Variants in DNM2 observed in about 807,000 individuals in gnomAD.
The protein encoded by DNM2 is dynamin-2.
Under a neutral mutation model 99.0 loss-of-function variants are expected in DNM2, and 15 were observed. The observed-to-expected ratio is 0.15, with a 90% confidence interval of 0.10 to 0.23. DNM2 has a LOEUF of 0.23. DNM2 is among the 10% of genes least tolerant of loss of function. The pLI is 1.00. For missense variants in DNM2, 742 were observed against 1,189.4 expected (o/e 0.62, Z 5.53); for synonymous variants, 525 against 481.2 (o/e 1.09, Z -1.19).
chr19:10,769,440 G>T (rs1034640835), intron 2 of DNM2: 2 of 152,446 alleles, frequency 1.3e-5, no homozygotes, highest in African/African-American at 4.8e-5. Flanking sequence ...CCTGGGAGTA[G>T]GAGGAGGTAG....
In DNM2 at chr19:10,782,735, A is replaced by T. The variant is rs574819163; in HGVS notation, c.689-225A>T. Among the ~76,000 whole-genome samples, 9 of 152,300 alleles carry T rather than the reference A, an allele frequency of 5.9e-5. No homozygotes were observed. The South Asian group carries it at 1.7e-3, about 28-fold the overall frequency. ...CCAAAGCTTTTTTCTGTCCCTGCGCACACAGGCTGGATGTGAGCTCTCCTT... is the reference window on the plus strand; with the variant it reads ...CCAAAGCTTTTTTCTGTCCCTGCGCTCACAGGCTGGATGTGAGCTCTCCTT... On this transcript the variant is annotated intron_variant, in intron 5 of 20. Coordinates refer to ENST00000389253, the MANE Select transcript of DNM2 (RefSeq NM_001005361.3).
At position 10,777,164 on chromosome 19, in the gene DNM2, G is replaced by C. The variant is rs542515194; in HGVS notation, c.636G>C (p.Glu212Asp). ...TCACCAAGCTTGACCTGATGGACGAGGGCACCGACGCCAGGGACGTCTTGG... is the reference window on the plus strand; with the variant it reads ...TCACCAAGCTTGACCTGATGGACGACGGCACCGACGCCAGGGACGTCTTGG... ...GVITKLDLMD[E>D]GTDARDVLEN... Residue 212 changes from glutamate (E) to aspartate (D), a missense_variant, in exon 5 of 21, where the codon GAG (glutamate) becomes GAC (aspartate). Around this residue, in one of 7 missense-constraint regions of DNM2, gnomAD observed 192 missense variants for 358.9 expected, o/e 0.54. Transcript: ENST00000389253. 6.2e-7 allele frequency: 1 copy of C among 1,614,222 alleles called. No individual in the cohort carries two copies. The highest frequency in any genetic ancestry group is 1.7e-5 in the Admixed American group (1 of 60,012).
Position 10,795,269 on chromosome 19 carries a change from T to C in DNM2, c.1129-103T>C. On this transcript the variant is annotated intron_variant, in intron 8 of 20. Transcript: ENST00000389253. This position sits in a 1 kb window ranked among gnomAD's most constrained non-coding sequence, Gnocchi z 4.2. ...TTTTGACGAGTTAAATATTCTGCCT[T>C]GTGAATATAGCCACACGTGGGAGAG... 3 of 1,080,470 alleles carry C rather than the reference T, an allele frequency of 2.8e-6. No individual in the cohort carries two copies. The highest frequency in any genetic ancestry group is 4.7e-5 in the East Asian group (2 of 42,256). The allele number at this position is 1,080,470 out of a possible 1,614,324, so 66.9% of individuals were successfully genotyped here.
chr19:10,757,582 G>A (rs1267013370), intron 1 of DNM2, among the ~76,000 whole-genome samples: 1 of 152,162 alleles, frequency 6.6e-6, no homozygotes, highest in Non-Finnish European at 1.5e-5. Context: ...CAGCTGTACA[G>A]TACCAATTGC....
At chr19:10,783,921 A>G (rs2071468254) in intron 6 of DNM2, among the ~76,000 whole-genome samples, 1 of 151,994 alleles carries the variant, frequency 6.6e-6, no homozygotes, top group African/African-American at 2.4e-5. Flanking sequence ...GGCTGGTCTC[A>G]AATTCTGAGC....
intron 2 of DNM2, among the ~76,000 whole-genome samples, chr19:10,762,450 A>G (rs1405180899): frequency 6.6e-6 from 1 of 152,084 alleles, no homozygotes; most frequent in African/African-American, 2.4e-5. Context: ...CAGGTTCCCA[A>G]CCCAGCTCCT....
intron 10 of DNM2, 87 bp downstream of exon 10, chr19:10,797,605 C>T (rs1224861604): frequency 2.5e-6 from 4 of 1,602,208 alleles, no homozygotes; most frequent in Non-Finnish European, 2.6e-6. Flanking sequence ...GAAAATTCAG[C>T]CTCGGCAGGA....
At chr19:10,767,007 C>T (rs979548368) in intron 2 of DNM2, among the ~76,000 whole-genome samples, 4 of 152,020 alleles carry the variant, frequency 2.6e-5, no homozygotes, top group Admixed American at 6.6e-5. Context: ...TGCAGTTTGC[C>T]GAGGAATTAC....
intron 2 of DNM2, among the ~76,000 whole-genome samples, chr19:10,761,543 A>C (rs1339993460): frequency 6.6e-6 from 1 of 152,122 alleles, no homozygotes; most frequent in African/African-American, 2.4e-5. Context: ...CTAATCTGCA[A>C]CATCAGCTCT....
intron 1 of DNM2, among the ~76,000 whole-genome samples, chr19:10,724,083 C>CAA (rs1203230743): frequency 1.7e-5 from 1 of 58,778 alleles, no homozygotes; most frequent in Non-Finnish European, 3.7e-5. Context: ...GACCTCGTCT[C>CAA]AAAAAAAAAA....
intron 12 of DNM2, 81 bp from the exon 13 acceptor site, chr19:10,805,835 G>C (rs757416092): frequency 2.5e-6 from 4 of 1,588,166 alleles, no homozygotes; most frequent in Non-Finnish European, 3.5e-6. Flanking sequence ...TCCCCAGGGA[G>C]AGAACGGCCA....
rs532561451 is a variant in DNM2, at chr19:10,811,634, G to T, written c.1558-630G>T. The T allele has an allele frequency of 2.1e-4, 101 of 479,762 alleles. No individual in the cohort carries two copies. The highest frequency in any genetic ancestry group is 1.4e-3 in the South Asian group (96 of 66,780). The allele number at this position is 479,762 out of a possible 1,614,324, so 29.7% of individuals were successfully genotyped here. On this transcript the variant is annotated intron_variant, in intron 14 of 20. Transcript: ENST00000389253. This position sits in a 1 kb window ranked among gnomAD's most constrained non-coding sequence, Gnocchi z 5.4. ...CCTCCAGCGGCCAGGGAGCATGGGA[G>T]CACAGCCCCCAGGCTGCCTGCCGTT...
At chr19:10,754,781 A>AG (rs1156451494) in intron 1 of DNM2, among the ~76,000 whole-genome samples, 1 of 123,060 alleles carries the variant, frequency 8.1e-6, no homozygotes, top group South Asian at 2.6e-4. Flanking sequence ...TTGTAGAGAC[A>AG]GGGGCTCGTT....
intron 1 of DNM2, among the ~76,000 whole-genome samples, chr19:10,734,477 A>G (rs1599439674): frequency 1.7e-5 from 2 of 116,352 alleles, no homozygotes; most frequent in African/African-American, 7.3e-5. Context: ...TCGTGTGTAG[A>G]AAAAAAAAAA....
chr19:10,786,076 A>C (rs766858796), intron 6 of DNM2, among the ~76,000 whole-genome samples: 1 of 152,210 alleles, frequency 6.6e-6, no homozygotes, highest in Non-Finnish European at 1.5e-5. Flanking sequence ...CTGGGATTGC[A>C]GGTGTGTACC....
chr19:10,719,577 C>T (rs1377525281), intron 1 of DNM2, among the ~76,000 whole-genome samples: 1 of 152,142 alleles, frequency 6.6e-6, no homozygotes, highest in African/African-American at 2.4e-5. Context: ...GCCCGTGCAG[C>T]CACCTCTCCC....
chr19:10,781,981 C>T (rs1031287194), intron 5 of DNM2, among the ~76,000 whole-genome samples: 6 of 152,000 alleles, frequency 3.9e-5, no homozygotes, highest in African/African-American at 9.7e-5. Context: ...AAAATATACT[C>T]GTTTGATAGT....
In DNM2 at chr19:10,830,782, C is replaced by T. The variant is rs925711951; in HGVS notation, c.2544-196C>T. Among the ~76,000 whole-genome samples, 6 of 152,090 alleles carry T rather than the reference C, an allele frequency of 3.9e-5. No homozygotes were observed. Among genetic ancestry groups the T allele is most frequent in the African/African-American group, 1.4e-4 (6 of 41,416 alleles). On this transcript the variant is annotated intron_variant, in intron 20 of 20. Coordinates refer to ENST00000389253, the MANE Select transcript of DNM2 (RefSeq NM_001005361.3). The surrounding 1 kb of genome is among the most constrained non-coding windows in gnomAD (Gnocchi z 4.8). ...AGGCCCAGGGAGGGCAGGGGGCTCACTGAGGGTCAAACAGCAGGCGAGTTG... is the reference window on the plus strand; with the variant it reads ...AGGCCCAGGGAGGGCAGGGGGCTCATTGAGGGTCAAACAGCAGGCGAGTTG...
intron 1 of DNM2, among the ~76,000 whole-genome samples, chr19:10,745,475 A>T (rs2069931938): frequency 6.6e-6 from 1 of 152,204 alleles, no homozygotes; most frequent in South Asian, 2.1e-4. Context: ...TTGAAATCCC[A>T]GGGCTTTGGG....
Sources: gnomAD v4.1 joint callset for allele counts (sites outside exome capture counted in the v4.1 genomes callset) on GRCh38, gnomAD v4.1.1 for gene constraint, gnomAD v4.1.1 regional missense constraint, Gnocchi (gnomAD v3.1) non-coding constraint, MANE v1.5 for transcripts, NCBI Gene and HGNC (gene_info 2026-07-23, HGNC 2026-07-21) for gene names.